RBMS3: variants seen among roughly 807,000 people sequenced by gnomAD.
RBMS3 encodes RNA-binding motif, single-stranded-interacting protein 3.
A neutral mutation model predicts 66.8 loss-of-function variants in RBMS3; 27 were observed. The ratio of observed to expected loss-of-function variants is 0.40; its 90% confidence interval spans 0.30 to 0.56. The LOEUF (loss-of-function observed/expected upper bound fraction) is 0.56. Among genes scored for constraint, RBMS3 ranks in the 20% least tolerant of loss-of-function variants. RBMS3 has a pLI of 0.40. For synonymous variants in RBMS3, 188 were observed against 183.0 expected (o/e 1.03, Z -0.22); for missense variants, 513 against 549.5 (o/e 0.93, Z 0.66).
At chr3:29,475,885 G>T (rs1447010682) in intron 2 of RBMS3, among the ~76,000 whole-genome samples, 2 of 152,206 alleles carry the variant, frequency 1.3e-5, no homozygotes, top group Non-Finnish European at 2.9e-5. Flanking sequence ...AAAAAGAGTT[G>T]ATCTGGTAAA....
chr3:29,659,171 A>T, intron 4 of RBMS3, among the ~76,000 whole-genome samples: 1 of 152,200 alleles, frequency 6.6e-6, no homozygotes, highest in Admixed American at 6.5e-5. Context: ...ATAGAATGAA[A>T]TGCACATTTT....
At chr3:29,677,119 A>G (rs575880771) in intron 4 of RBMS3, among the ~76,000 whole-genome samples, 1 of 152,208 alleles carries the variant, frequency 6.6e-6, no homozygotes, top group East Asian at 1.9e-4. Context: ...AAGAGAACTC[A>G]CTCACTATAC....
intron 4 of RBMS3, chr3:29,614,498 C>T (rs1424056132): frequency 6.6e-6 from 1 of 151,954 alleles, no homozygotes; most frequent in African/African-American, 2.4e-5. Context: ...ATATGTGAGG[C>T]AATGCATATA....
Position 29,281,127 on chromosome 3 carries a change from T to TC in RBMS3, c.-555_-554insC, listed in dbSNP as rs1463781598. On this transcript the variant is annotated 5_prime_UTR_variant, in exon 1 of 15. Coordinates refer to ENST00000383767, the MANE Select transcript of RBMS3 (RefSeq NM_001003793.3). The stretch of plus-strand genomic sequence containing the variant: ...AAGCTGTACAAGGTTTTTTTTTTTT[T>TC]TTTTTCTTCCTTTTTTTCTTTTTTT... 6.9e-6 allele frequency: 1 copy of TC among 145,480 alleles called. No homozygotes were observed. Among genetic ancestry groups the TC allele is most frequent in the African/African-American group, 2.5e-5 (1 of 39,450 alleles). 9.0% of individuals were successfully genotyped at this position (145,480 alleles called of 1,614,324 possible).
Position 29,397,474 on chromosome 3 carries a change from A to G in RBMS3, c.76-37269A>G, listed in dbSNP as rs144858207. Among the ~76,000 whole-genome samples the G allele has an allele frequency of 8.4e-3, 1,278 of 152,242 alleles. 20 individuals are homozygous for G. Among genetic ancestry groups the G allele is most frequent in the Admixed American group, 0.031 (481 of 15,284 alleles). ...TTGGTTTTAAACGCTTACTGTGTTG[A>G]ATGGTTCTCCCAACTTTTACCATTG... On this transcript the variant is annotated intron_variant, in intron 1 of 14. Transcript: ENST00000383767.
chr3:29,511,987 A>G (rs1466019813), intron 3 of RBMS3, among the ~76,000 whole-genome samples: 1 of 152,148 alleles, frequency 6.6e-6, no homozygotes. Context: ...ATTTGCATGC[A>G]ATTAAAATCT....
chr3:29,410,026 A>G (rs539355124), intron 1 of RBMS3, among the ~76,000 whole-genome samples: 2 of 152,210 alleles, frequency 1.3e-5, no homozygotes, highest in Non-Finnish European at 2.9e-5. Flanking sequence ...ATGAGATTGT[A>G]CTAGAGTCAG....
intron 4 of RBMS3, among the ~76,000 whole-genome samples, chr3:29,706,177 C>T (rs1047186377): frequency 7.9e-5 from 12 of 152,186 alleles, no homozygotes; most frequent in African/African-American, 2.9e-4. Flanking sequence ...GGAAGAGAAT[C>T]TGCCATTTAC....
chr3:29,677,782 T>C (rs1164923127), intron 4 of RBMS3, among the ~76,000 whole-genome samples: 1 of 152,148 alleles, frequency 6.6e-6, no homozygotes, highest in Non-Finnish European at 1.5e-5. Flanking sequence ...AAATTAGATA[T>C]AATGAAGGAT....
chr3:29,532,315 G>T (rs2045394852), intron 3 of RBMS3, among the ~76,000 whole-genome samples: 1 of 139,478 alleles, frequency 7.2e-6, no homozygotes, highest in Non-Finnish European at 1.5e-5. Flanking sequence ...TATTCATGGT[G>T]CTTTTTAAGT....
At position 29,484,613 on chromosome 3, in the gene RBMS3, A is replaced by G. The variant is rs372371691; in HGVS notation, c.249-3828A>G. On this transcript the variant is annotated intron_variant, in intron 2 of 14. Coordinates refer to ENST00000383767, the MANE Select transcript of RBMS3 (RefSeq NM_001003793.3). ...ATTCAGTCCATAACAATTATGCATG[A>G]CTTTGATGACCCATTTGTAGATTGA... Among the ~76,000 whole-genome samples, 67 of 152,312 alleles carry G rather than the reference A, an allele frequency of 4.4e-4. No individual in the cohort carries two copies. The East Asian group carries it at 8.3e-3, about 19-fold the overall frequency.
At chr3:29,574,520 A>G (rs1007402526) in intron 3 of RBMS3, among the ~76,000 whole-genome samples, 10 of 151,816 alleles carry the variant, frequency 6.6e-5, no homozygotes, top group Admixed American at 3.9e-4. Context: ...CCATTTAGCC[A>G]TTCTATGTCT....
At chr3:29,623,265 C>T (rs1032234031) in intron 4 of RBMS3, among the ~76,000 whole-genome samples, 13 of 151,248 alleles carry the variant, frequency 8.6e-5, no homozygotes, top group African/African-American at 2.2e-4. Flanking sequence ...TTTAAATATA[C>T]GCCGAGTACT....
At chr3:29,387,589 C>A (rs187044144) in intron 1 of RBMS3, among the ~76,000 whole-genome samples, 1 of 152,204 alleles carries the variant, frequency 6.6e-6, no homozygotes, top group African/African-American at 2.4e-5. Flanking sequence ...CTCCACCGTG[C>A]AGCCAGAGTA....
chr3:29,532,234 TCG>T (rs2045377676), intron 3 of RBMS3, among the ~76,000 whole-genome samples: 5 of 117,904 alleles, frequency 4.2e-5, no homozygotes, highest in African/African-American at 9.6e-5. Context: ...TATTTTAATT[TCG>T]CATATATATG....
chr3:29,329,359 T>G (rs757594384), intron 1 of RBMS3, among the ~76,000 whole-genome samples: 2 of 152,160 alleles, frequency 1.3e-5, no homozygotes, highest in Non-Finnish European at 2.9e-5. Context: ...GGCAGGTGGT[T>G]GAGAGGTTCT....
chr3:29,582,787 G>A (rs1041827130), intron 3 of RBMS3, among the ~76,000 whole-genome samples: 1 of 152,160 alleles, frequency 6.6e-6, no homozygotes, highest in Non-Finnish European at 1.5e-5. Context: ...TTTAGGGGCA[G>A]TCTCCTATTT....
intron 5 of RBMS3, among the ~76,000 whole-genome samples, chr3:29,740,517 A>G (rs940186485): frequency 1.3e-5 from 2 of 152,228 alleles, no homozygotes; most frequent in African/African-American, 2.4e-5. Flanking sequence ...AGGAATGTTT[A>G]CAAAAGAGGA....
intron 6 of RBMS3, among the ~76,000 whole-genome samples, chr3:29,782,824 G>A (rs114301699): frequency 0.026 from 3,915 of 152,170 alleles, 148 homozygotes; most frequent in African/African-American, 0.08. Flanking sequence ...GACACAGACA[G>A]CATAAATAAA....
Sources: allele counts gnomAD v4.1 joint callset (sites outside exome capture counted in the v4.1 genomes callset), GRCh38; gene constraint gnomAD v4.1.1; transcripts MANE v1.5; gene names NCBI Gene and HGNC (gene_info 2026-07-23, HGNC 2026-07-21).